The following RAB27B variants were observed in gnomAD, a reference collection of about 807,000 sequenced individuals.
The protein encoded by RAB27B is ras-related protein Rab-27B.
Under a neutral mutation model 24.6 loss-of-function variants are expected in RAB27B, and 15 were observed. That is an observed-to-expected ratio of 0.61 (90% CI 0.41 to 0.94). RAB27B has a LOEUF of 0.94. Ranked by LOEUF, RAB27B falls within the 40% of genes least tolerant of loss-of-function variation. The pLI, the probability that RAB27B is intolerant of heterozygous loss-of-function variation, is 0.00. For missense variants in RAB27B, 261 were observed against 266.8 expected (o/e 0.98, Z 0.15); for synonymous variants, 105 against 92.5 (o/e 1.14, Z -0.78).
intron 2 of RAB27B, among the ~76,000 whole-genome samples, chr18:54,729,548 A>G (rs865889357): frequency 3.3e-5 from 5 of 152,204 alleles, no homozygotes; most frequent in African/African-American, 9.6e-5. Flanking sequence ...ATTCTAAAGT[A>G]TCTTGTATTG....
At chr18:54,855,468 G>A (rs1286590733) in intron 1 of RAB27B, among the ~76,000 whole-genome samples, 1 of 152,164 alleles carries the variant, frequency 6.6e-6, no homozygotes, top group Non-Finnish European at 1.5e-5. Flanking sequence ...TGTCCAAGGT[G>A]TTCTGTTGCT....
At chr18:54,741,156 C>T (rs1383220951) in intron 2 of RAB27B, among the ~76,000 whole-genome samples, 2 of 152,132 alleles carry the variant, frequency 1.3e-5, no homozygotes, top group African/African-American at 4.8e-5. Context: ...ACCATATCTT[C>T]CTATGAGACC....
At chr18:54,746,298 A>G (rs542076270) in intron 2 of RAB27B, among the ~76,000 whole-genome samples, 1 of 152,302 alleles carries the variant, frequency 6.6e-6, no homozygotes, top group South Asian at 2.1e-4. Flanking sequence ...GTCGGATGAG[A>G]CAAAAATCAG....
At chr18:54,878,312 C>T (rs183345416) in intron 2 of RAB27B, among the ~76,000 whole-genome samples, 17 of 152,264 alleles carry the variant, frequency 1.1e-4, no homozygotes, top group East Asian at 3.9e-4. Context: ...CTATGCTAGA[C>T]GCTATTGACA....
At chr18:54,732,060 C>T (rs9955070) in intron 2 of RAB27B, among the ~76,000 whole-genome samples, 68,075 of 151,922 alleles carry the variant, frequency 0.45, 17,133 homozygotes, top group Middle Eastern at 0.58. Context: ...TGTGTAAGCT[C>T]TCTGATAAAG....
chr18:54,802,130 T>G (rs1476172759), intron 2 of RAB27B, among the ~76,000 whole-genome samples: 1 of 152,208 alleles, frequency 6.6e-6, no homozygotes, highest in South Asian at 2.1e-4. Flanking sequence ...AAGTTATTCA[T>G]GGTACAATGA....
chr18:54,770,969 G>A (rs755489909), intron 2 of RAB27B, among the ~76,000 whole-genome samples: 2 of 152,082 alleles, frequency 1.3e-5, no homozygotes, highest in African/African-American at 4.8e-5. Context: ...TCTCATTTAG[G>A]TTCTGTCCCT....
intron 2 of RAB27B, among the ~76,000 whole-genome samples, chr18:54,768,884 C>T (rs12606833): frequency 0.15 from 23,321 of 152,092 alleles, 2,308 homozygotes; most frequent in East Asian, 0.34. Context: ...ATTAACTCCA[C>T]CTGGTCCTGC....
chr18:54,825,993 A>G (rs2145174881), upstream of RAB27B, among the ~76,000 whole-genome samples: 1 of 152,348 alleles, frequency 6.6e-6, no homozygotes, highest in East Asian at 1.9e-4. Context: ...CTTCCAAATC[A>G]GTTACCACGC....
chr18:54,822,953 C>T (rs1159485187), intron 2 of RAB27B, among the ~76,000 whole-genome samples: 2 of 152,242 alleles, frequency 1.3e-5, no homozygotes, highest in East Asian at 1.9e-4. Context: ...ACAATAATCT[C>T]AAATGAGGTC....
intron 2 of RAB27B, among the ~76,000 whole-genome samples, chr18:54,803,650 G>A (rs1909679200): frequency 3.9e-5 from 6 of 152,168 alleles, no homozygotes; most frequent in Admixed American, 3.9e-4. Flanking sequence ...ATTGTGAACA[G>A]TAGAGACAAA....
intron 2 of RAB27B, among the ~76,000 whole-genome samples, chr18:54,737,422 GATT>G (rs1909929405): frequency 6.6e-6 from 1 of 151,088 alleles, no homozygotes; most frequent in Non-Finnish European, 1.5e-5. Context: ...CATTAAATTT[GATT>G]GCAGAGTTTT....
chr18:54,719,573 A>AT (rs939506625), intron 2 of RAB27B, among the ~76,000 whole-genome samples: 94 of 152,154 alleles, frequency 6.2e-4, no homozygotes, highest in African/African-American at 2.2e-3. Context: ...AGAGAAAGTC[A>AT]TTTTTTCTAG....
chr18:54,820,749 A>T (rs918603964), intron 2 of RAB27B, among the ~76,000 whole-genome samples: 4 of 152,140 alleles, frequency 2.6e-5, no homozygotes, highest in African/African-American at 9.7e-5. Context: ...TATGGTTTCA[A>T]TTCTAACATT....
intron 2 of RAB27B, among the ~76,000 whole-genome samples, chr18:54,772,319 T>C (rs1908576136): frequency 6.6e-6 from 1 of 152,226 alleles, no homozygotes; most frequent in Non-Finnish European, 1.5e-5. Context: ...TTACATGCTA[T>C]GGACCCAGGG....
intron 2 of RAB27B, among the ~76,000 whole-genome samples, chr18:54,757,692 T>C (rs1329799711): frequency 2.0e-5 from 3 of 152,142 alleles, no homozygotes; most frequent in Non-Finnish European, 4.4e-5. Flanking sequence ...AGATTACTTA[T>C]TTTTCTTTGT....
chr18:54,830,247 A>G (rs148853951), intron 1 of RAB27B, among the ~76,000 whole-genome samples: 52 of 152,344 alleles, frequency 3.4e-4, no homozygotes, highest in African/African-American at 1.2e-3. Context: ...TGTTGGTTTC[A>G]GAATTGCTGT....
intron 2 of RAB27B, among the ~76,000 whole-genome samples, chr18:54,750,371 T>C (rs1907793337): frequency 6.6e-6 from 1 of 152,210 alleles, no homozygotes; most frequent in South Asian, 2.1e-4. Context: ...TTTTAATGTT[T>C]AAAGTTTTAA....
intron 2 of RAB27B, among the ~76,000 whole-genome samples, chr18:54,747,588 G>T (rs1910292300): frequency 6.6e-6 from 1 of 152,084 alleles, no homozygotes; most frequent in African/African-American, 2.4e-5. Context: ...CTGAATAATA[G>T]GTCTTGACAT....
Sources: gnomAD v4.1 joint callset for allele counts (sites outside exome capture counted in the v4.1 genomes callset) on GRCh38, gnomAD v4.1.1 for gene constraint, MANE v1.5 for transcripts, NCBI Gene and HGNC (gene_info 2026-07-23, HGNC 2026-07-21) for gene names.